Variants in CLCN1 observed in about 807,000 individuals in gnomAD.
The protein encoded by CLCN1 is chloride channel protein 1.
Under a neutral mutation model 114.5 loss-of-function variants are expected in CLCN1, and 100 were observed. That is an observed-to-expected ratio of 0.87 (90% CI 0.74 to 1.03). The LOEUF (loss-of-function observed/expected upper bound fraction) is 1.03, where lower values mean the gene tolerates loss of function less well. Among genes scored for constraint, CLCN1 ranks in the 50% least tolerant of loss-of-function variants. The pLI is 0.00. For synonymous variants in CLCN1, 485 were observed against 487.1 expected (o/e 1.00, Z 0.06); for missense variants, 1,188 against 1,250.0 (o/e 0.95, Z 0.75).
intron 8 of CLCN1, 62 bp from the exon 9 acceptor site, chr7:143,331,170 T>A: frequency 7.9e-7 from 1 of 1,258,592 alleles, no homozygotes; most frequent in East Asian, 2.3e-5. Context: ...ACTGCCCACC[T>A]CTGTTTCCCT....
At chr7:143,332,655 A>G in intron 11 of CLCN1, 69 bp from the exon 12 acceptor site, 1 of 1,587,310 alleles carries the variant, frequency 6.3e-7, no homozygotes, top group East Asian at 2.2e-5. Flanking sequence ...GCTGGGGAAT[A>G]AGTTCTCTAA....
At chr7:143,330,658 T>C in intron 7 of CLCN1, 114 bp from the exon 8 acceptor site, 2 of 1,381,846 alleles carry the variant, frequency 1.4e-6, no homozygotes, top group Non-Finnish European at 1.0e-6. Flanking sequence ...TTTCCACTAC[T>C]GCTTCCACCC....
chr7:143,349,295 A>G (rs1273043647), intron 20 of CLCN1, among the ~76,000 whole-genome samples: 2 of 152,224 alleles, frequency 1.3e-5, no homozygotes, highest in Non-Finnish European at 2.9e-5. Context: ...ATGAGAGTAT[A>G]GAGGAGTCAT....
Position 143,321,783 on chromosome 7 carries a change from G to T in CLCN1, c.631G>T (p.Ala211Ser), listed in dbSNP as rs763883834. The T allele has an allele frequency of 6.2e-7, 1 of 1,614,258 alleles. No homozygotes were observed. The highest frequency in any genetic ancestry group is 8.5e-7 in the Non-Finnish European group (1 of 1,180,040). Reference protein sequence around the residue: ...VVLKEYLTMKAFVAKVVALTA... With the variant: ...VVLKEYLTMKSFVAKVVALTA... ...CCTGAAGGAATACCTCACAATGAAA[G>T]CCTTTGTGGCCAAGGTTGTCGCCCT... Residue 211 changes from alanine (A) to serine (S), a missense_variant, in exon 5 of 23, where the codon GCC (alanine) becomes TCC (serine). By Grantham distance (99) the Ala-to-Ser change is moderately conservative. Transcript: ENST00000343257. This position sits in a 1 kb window ranked among gnomAD's most constrained non-coding sequence, Gnocchi z 4.2.
chr7:143,345,575 A>C lies in CLCN1; in HGVS notation c.1985A>C (p.Gln662Pro). The C allele has an allele frequency of 6.5e-7, 1 of 1,547,506 alleles. No homozygotes were observed. Residue 662 changes from glutamine to proline, a missense_variant, in exon 17 of 23, where the codon CAG becomes CCG. Coordinates refer to ENST00000343257, the MANE Select transcript of CLCN1 (RefSeq NM_000083.3). ...CGGTCGGAACTGCAGGCCCTCCTGC[A>C]GCGCCACCTGTGTCCTGAGCGCAGG... ...VERSELQALL[Q>P]RHLCPERRLR...
chr7:143,329,537 G>A (rs1042230925), intron 7 of CLCN1, among the ~76,000 whole-genome samples: 2 of 152,106 alleles, frequency 1.3e-5, no homozygotes, highest in Admixed American at 6.6e-5. Flanking sequence ...GTAACTAGTC[G>A]ACTGTCACCT....
intron 6 of CLCN1, chr7:143,323,908 C>G (rs796334800): frequency 2.0e-4 from 93 of 468,210 alleles, no homozygotes; most frequent in African/African-American, 1.7e-3. Context: ...GCAAGTTGCA[C>G]TTCCTCCCTA....
Position 143,339,762 on chromosome 7 carries a change from A to G in CLCN1, c.1582+141A>G, listed in dbSNP as rs1716201759. 1.2e-5 allele frequency: 8 copies of G among 692,588 alleles called. No individual in the cohort carries two copies. The highest frequency in any genetic ancestry group is 1.8e-5 in the Non-Finnish European group (7 of 379,444). The allele number at this position is 692,588 out of a possible 1,614,324, so 42.9% of individuals were successfully genotyped here. ...TACTTAACTCAACTTTTACTCAGATAACATACCCATGGCTCTGACTCTCAT... is the reference window on the plus strand; with the variant it reads ...TACTTAACTCAACTTTTACTCAGATGACATACCCATGGCTCTGACTCTCAT... On this transcript the variant is annotated intron_variant, in intron 14 of 22. Coordinates refer to ENST00000343257, the MANE Select transcript of CLCN1 (RefSeq NM_000083.3). This position sits in a 1 kb window ranked among gnomAD's most constrained non-coding sequence, Gnocchi z 4.1.
In CLCN1 at chr7:143,321,778, T is replaced by A. The variant is rs1802444087; in HGVS notation, c.626T>A (p.Met209Lys). 6.2e-7 allele frequency: 1 copy of A among 1,614,232 alleles called. No individual in the cohort carries two copies. The highest frequency in any genetic ancestry group is 1.1e-5 in the South Asian group (1 of 91,088). The change falls in exon 5 of 23, where the codon ATG (methionine) becomes AAG (lysine). Residue 209 changes from methionine (M) to lysine (K), a missense_variant. Physicochemically the swap from Met to Lys is moderately conservative, Grantham distance 95. Transcript: ENST00000343257. This position sits in a 1 kb window ranked among gnomAD's most constrained non-coding sequence, Gnocchi z 4.2. The part of the protein sequence containing the change: ...RGVVLKEYLT[M>K]KAFVAKVVAL... ...GTTGTCCTGAAGGAATACCTCACAA[T>A]GAAAGCCTTTGTGGCCAAGGTTGTC...
Position 143,346,150 on chromosome 7 carries a change from C to T in CLCN1, c.2183C>T (p.Ser728Phe), listed in dbSNP as rs762266160. ...TACTCTTCCTTACAGCTTCCTCCTT[C>T]CCTTGCTCTCCACCCCTCTACTACT... ...DLSGKSELPP[S>F]LALHPSTTAP... Residue 728 changes from serine to phenylalanine, a missense_variant, in exon 18 of 23, where the codon TCC becomes TTC. Coordinates refer to ENST00000343257, the MANE Select transcript of CLCN1 (RefSeq NM_000083.3). 2 of 1,606,968 alleles carry T rather than the reference C, an allele frequency of 1.2e-6. No individual in the cohort carries two copies. Among genetic ancestry groups the T allele is most frequent in the Non-Finnish European group, 1.7e-6 (2 of 1,173,574 alleles).
Position 143,316,219 on chromosome 7 carries a change from C to T in CLCN1, c.7C>T (p.Gln3Ter). The T allele has an allele frequency of 6.2e-7, 1 of 1,612,526 alleles. No individual in the cohort carries two copies. Among genetic ancestry groups the T allele is most frequent in the Non-Finnish European group, 8.5e-7 (1 of 1,179,146 alleles). ...GGGCTCGGGGGGAGGGAATATGGAG[C>T]AATCCCGGTCACAGCAGCGTGGGGG... ME[Q>*]SRSQQRGGEQ... is the part of the protein sequence containing the mutation. Residue 3 changes from glutamine to a stop codon, truncating the protein, a stop_gained, in exon 1 of 23, where the codon CAA becomes TAA. Coordinates refer to ENST00000343257, the MANE Select transcript of CLCN1 (RefSeq NM_000083.3). LOFTEE classifies it high-confidence loss of function.
chr7:143,338,275 G>T (rs1802967250), intron 12 of CLCN1, among the ~76,000 whole-genome samples: 1 of 152,046 alleles, frequency 6.6e-6, no homozygotes, highest in Non-Finnish European at 1.5e-5. Context: ...GACTTATCAG[G>T]CTTTCTCAAT....
chr7:143,322,472 G>A (rs1016366431), intron 5 of CLCN1, among the ~76,000 whole-genome samples: 51 of 152,244 alleles, frequency 3.3e-4, no homozygotes, highest in Middle Eastern at 3.4e-3. Flanking sequence ...TCTGACCCCT[G>A]GTCAAAAACT....
intron 7 of CLCN1, among the ~76,000 whole-genome samples, chr7:143,329,887 T>G (rs1458799300): frequency 6.6e-6 from 1 of 152,206 alleles, no homozygotes; most frequent in Admixed American, 6.5e-5. Context: ...TTGAAATATT[T>G]TTTTCTTTGC....
Position 143,317,014 on chromosome 7 carries a change from A to G in CLCN1, c.180+622A>G, listed in dbSNP as rs544505308. Among the ~76,000 whole-genome samples, 47 of 152,322 alleles carry G rather than the reference A, an allele frequency of 3.1e-4. 1 individual carries two copies. Among genetic ancestry groups the G allele is most frequent in the Admixed American group, 2.4e-3 (36 of 15,312 alleles). ...GCAGAGATGTGATCCCAGCAACAGA[A>G]GCATGCAGGCTAATTAGGAGTGTCT... is the stretch of plus-strand genomic sequence containing the variant. On this transcript the variant is annotated intron_variant, in intron 1 of 22. Coordinates refer to ENST00000343257, the MANE Select transcript of CLCN1 (RefSeq NM_000083.3).
In CLCN1 at chr7:143,330,764, C is replaced by T. The variant is rs201115855; in HGVS notation, c.854-8C>T. The T allele has an allele frequency of 3.7e-6, 6 of 1,613,970 alleles. No homozygotes were observed. Among genetic ancestry groups the T allele is most frequent in the Non-Finnish European group, 4.2e-6 (5 of 1,179,972 alleles). On this transcript the variant is annotated splice_polypyrimidine_tract_variant and splice_region_variant and intron_variant, in intron 7 of 22. Coordinates refer to ENST00000343257, the MANE Select transcript of CLCN1 (RefSeq NM_000083.3). ...GCTGCCCCCAACCACACTTCTGTGCCCCTGCAGGAGTGCTATTTAGCATCG... is the reference window on the plus strand; with the variant it reads ...GCTGCCCCCAACCACACTTCTGTGCTCCTGCAGGAGTGCTATTTAGCATCG...
rs547040001 is a variant in CLCN1, at chr7:143,323,471, T to C, written c.774+85T>C. ...TCCAGGGTGTTGGGAGGGCTGCCTC[T>C]GCTCTGGGCTGGCTGTGGTGCTGAA... On this transcript the variant is annotated intron_variant, in intron 6 of 22. Transcript: ENST00000343257. 1.9e-5 allele frequency: 18 copies of C among 928,542 alleles called. No individual in the cohort carries two copies. In the South Asian group the frequency reaches 2.1e-4, roughly 11 times the overall value. 57.5% of individuals were successfully genotyped at this position (928,542 alleles called of 1,614,324 possible). A position where few individuals can be genotyped will look rare whatever the true frequency, so the allele number is the denominator to read the frequency against.
Position 143,342,406 on chromosome 7 carries a change from C to A in CLCN1, c.1831C>A (p.Arg611Ser). The A allele has an allele frequency of 6.2e-7, 1 of 1,614,104 alleles. No individual in the cohort carries two copies. ...CATCTTTGTTGAGGACATCATGGTA[C>A]GTGATGTGAAGTTTGTTTCAGCTTC... ...YTIFVEDIMV[R>S]DVKFVSASYT... Residue 611 changes from arginine (R) to serine (S), a missense_variant, in exon 16 of 23, where the codon CGT becomes AGT. Transcript: ENST00000343257.
intron 18 of CLCN1, 138 bp downstream of exon 18, chr7:143,346,389 T>C: frequency 1.3e-6 from 1 of 746,974 alleles, no homozygotes; most frequent in Non-Finnish European, 2.3e-6. Flanking sequence ...GAGGACAGGG[T>C]TCTTATTCAT....
Sources: gnomAD v4.1 joint callset for allele counts (sites outside exome capture counted in the v4.1 genomes callset) on GRCh38, gnomAD v4.1.1 for gene constraint, Gnocchi (gnomAD v3.1) non-coding constraint, MANE v1.5 for transcripts, NCBI Gene and HGNC (gene_info 2026-07-23, HGNC 2026-07-21) for gene names.